The following PRTFDC1 variants were observed in gnomAD, a reference collection of about 807,000 sequenced individuals.
PRTFDC1 encodes phosphoribosyltransferase domain-containing protein 1.
Under a neutral mutation model 34.6 loss-of-function variants are expected in PRTFDC1, and 38 were observed. That is an observed-to-expected ratio of 1.10 (90% CI 0.85 to 1.44). PRTFDC1 has a LOEUF of 1.44. Among genes scored for constraint, PRTFDC1 ranks in the 40% most tolerant of loss-of-function variants. The pLI, the probability that PRTFDC1 is intolerant of heterozygous loss-of-function variation, is 0.00. For synonymous variants in PRTFDC1, 93 were observed against 98.1 expected, an observed-to-expected ratio of 0.95 and a Z score of 0.31; for missense variants, 270 against 283.0, an observed-to-expected ratio of 0.95 and a Z score of 0.33.
intron 3 of PRTFDC1, among the ~76,000 whole-genome samples, chr10:24,880,843 C>CTTTCTT (rs768537332): frequency 6.7e-6 from 1 of 148,378 alleles, no homozygotes; most frequent in South Asian, 2.2e-4. Flanking sequence ...TTCTTTCTTT[C>CTTTCTT]TTTCTTTCTT....
At chr10:24,933,154 A>G (rs1290452593) in intron 3 of PRTFDC1, among the ~76,000 whole-genome samples, 1 of 152,026 alleles carries the variant, frequency 6.6e-6, no homozygotes, top group Non-Finnish European at 1.5e-5. Context: ...ATCTAAAACT[A>G]TGAAACTTCT....
At chr10:24,849,933 A>C (rs895413865) in intron 8 of PRTFDC1, 42 bp from the exon 9 acceptor site, 2 of 1,590,928 alleles carry the variant, frequency 1.3e-6, no homozygotes, top group Non-Finnish European at 1.7e-6. Flanking sequence ...TTCTTAACAA[A>C]ATATGAGACA....
At chr10:24,941,565 G>A (rs1044586823) in intron 2 of PRTFDC1, among the ~76,000 whole-genome samples, 3 of 151,930 alleles carry the variant, frequency 2.0e-5, no homozygotes, top group African/African-American at 7.3e-5. Context: ...CTAGAATATC[G>A]ATTTGAAATT....
chr10:24,916,243 A>G (rs1848693770), intron 3 of PRTFDC1, among the ~76,000 whole-genome samples: 1 of 152,212 alleles, frequency 6.6e-6, no homozygotes, highest in Non-Finnish European at 1.5e-5. Flanking sequence ...TCCAGGTTCC[A>G]GCTATCGTTA....
intron 3 of PRTFDC1, among the ~76,000 whole-genome samples, chr10:24,889,686 T>C (rs881501): frequency 0.47 from 72,121 of 152,004 alleles, 17,524 homozygotes; most frequent in South Asian, 0.7. Flanking sequence ...AAATGAGACA[T>C]GAACACTGTG....
intron 3 of PRTFDC1, among the ~76,000 whole-genome samples, chr10:24,881,292 A>C (rs1048393593): frequency 6.6e-5 from 10 of 151,874 alleles, no homozygotes; most frequent in African/African-American, 2.2e-4. Context: ...CTGGTCTTGA[A>C]TTCCTGGCCT....
intron 3 of PRTFDC1, among the ~76,000 whole-genome samples, chr10:24,880,819 C>CTTTCTTTCTTTCT (rs1565264434): frequency 7.8e-5 from 7 of 89,620 alleles, no homozygotes; most frequent in Admixed American, 5.0e-4. Flanking sequence ...CTTTCTCTTT[C>CTTTCTTTCTTTCT]TTTCTTTCTT....
intron 1 of PRTFDC1, among the ~76,000 whole-genome samples, chr10:24,949,880 A>T (rs1031654608): frequency 2.3e-4 from 35 of 152,048 alleles, no homozygotes; most frequent in African/African-American, 8.0e-4. Flanking sequence ...GATTACAGGC[A>T]TGCACTACCA....
At chr10:24,912,605 T>C (rs1000419708) in intron 3 of PRTFDC1, among the ~76,000 whole-genome samples, 2 of 152,154 alleles carry the variant, frequency 1.3e-5, no homozygotes, top group African/African-American at 4.8e-5. Context: ...CTTACAGATG[T>C]ACTGTAAGAA....
At chr10:24,891,242 A>G (rs955478609) in intron 3 of PRTFDC1, among the ~76,000 whole-genome samples, 2 of 152,186 alleles carry the variant, frequency 1.3e-5, no homozygotes, top group Non-Finnish European at 2.9e-5. Flanking sequence ...AATTCATGAT[A>G]TATCATGAAA....
At chr10:24,937,972 C>A (rs1849082182) in intron 2 of PRTFDC1, among the ~76,000 whole-genome samples, 1 of 152,006 alleles carries the variant, frequency 6.6e-6, no homozygotes, top group African/African-American at 2.4e-5. Context: ...CACCTGTAAT[C>A]CCAGCACTTT....
chr10:24,927,771 G>C (rs920773617), intron 3 of PRTFDC1, among the ~76,000 whole-genome samples: 1 of 151,936 alleles, frequency 6.6e-6, no homozygotes, highest in Non-Finnish European at 1.5e-5. Flanking sequence ...TAGTAGAGGT[G>C]AGGTTTCACC....
rs1554765607 is a variant in PRTFDC1 at position 24,929,052 on chromosome 10, A to AAAAAAAAAG, written c.339+8131_339+8132insCTTTTTTTT. ...GCAGACTCCGTCTCAAAAAAAAAAA[A>AAAAAAAAAG]AAAGAAAGAAAGAAAGAAAGAAAGG... On this transcript the variant is annotated intron_variant, in intron 3 of 8. Transcript: ENST00000320152. 5.0e-3 allele frequency among the ~76,000 whole-genome samples: 585 copies of AAAAAAAAAG among 116,524 alleles called. 29 individuals carry two copies. Among genetic ancestry groups the AAAAAAAAAG allele is most frequent in the African/African-American group, 0.019 (559 of 29,798 alleles). The allele number at this position is 116,524 out of a possible 152,430, so 76.4% of individuals were successfully genotyped here. A position where few individuals can be genotyped will look rare whatever the true frequency, so the allele number is the denominator to read the frequency against.
At position 24,949,735 on chromosome 10, in the gene PRTFDC1, A is replaced by T. The variant is rs995993322; in HGVS notation, c.48+2793T>A. 2.6e-3 allele frequency among the ~76,000 whole-genome samples: 371 copies of T among 140,016 alleles called. 2 individuals carry two copies. The highest frequency in any genetic ancestry group is 4.5e-3 in the Non-Finnish European group (288 of 63,896). The allele number at this position is 140,016 out of a possible 152,430, so 91.9% of individuals were successfully genotyped here. On this transcript the variant is annotated intron_variant, in intron 1 of 8. Coordinates refer to ENST00000320152, the MANE Select transcript of PRTFDC1 (RefSeq NM_020200.7). ...TTTTTGTTTATTTATTTATTTATTTATTTATTTTTTTTTTTTTTTTTAAGA... is the reference window on the plus strand; with the variant it reads ...TTTTTGTTTATTTATTTATTTATTTTTTTATTTTTTTTTTTTTTTTTAAGA...
chr10:24,866,982 T>TA (rs1024477282), intron 4 of PRTFDC1, among the ~76,000 whole-genome samples: 1 of 144,806 alleles, frequency 6.9e-6, no homozygotes, highest in Admixed American at 6.9e-5. Flanking sequence ...ATGTTTTATT[T>TA]AAAAAAAAGA....
At chr10:24,866,645 G>A (rs1320578287) in intron 4 of PRTFDC1, among the ~76,000 whole-genome samples, 5 of 151,988 alleles carry the variant, frequency 3.3e-5, no homozygotes, top group African/African-American at 9.7e-5. Context: ...TAAACACACC[G>A]AATAAAATGC....
At chr10:24,898,463 C>CAAAAAAAAAAAA (rs36004025) in intron 3 of PRTFDC1, among the ~76,000 whole-genome samples, 4 of 98,102 alleles carry the variant, frequency 4.1e-5, no homozygotes, top group East Asian at 3.4e-4. Flanking sequence ...GACCCTGTCT[C>CAAAAAAAAAAAA]AAAAAAAAAA....
intron 3 of PRTFDC1, among the ~76,000 whole-genome samples, chr10:24,904,261 TACACACAC>T (rs10585982): frequency 1.4e-4 from 21 of 148,268 alleles, no homozygotes; most frequent in East Asian, 1.0e-3. Context: ...TAAAATGTAA[TACACACAC>T]ACACACACAC....
intron 3 of PRTFDC1, among the ~76,000 whole-genome samples, chr10:24,892,894 C>A (rs1283379820): frequency 6.6e-6 from 1 of 152,106 alleles, no homozygotes; most frequent in Admixed American, 6.5e-5. Context: ...ATTTTTAAAC[C>A]CGCCACATAA....
Sources: gnomAD v4.1 joint callset for allele counts (sites outside exome capture counted in the v4.1 genomes callset) on GRCh38, gnomAD v4.1.1 for gene constraint, MANE v1.5 for transcripts, NCBI Gene and HGNC (gene_info 2026-07-23, HGNC 2026-07-21) for gene names.